The following FANCA variants were observed in gnomAD, a reference collection of about 807,000 sequenced individuals.
FANCA encodes the protein Fanconi anemia group A protein.
Under a neutral mutation model 194.3 loss-of-function variants are expected in FANCA, and 236 were observed. The observed-to-expected ratio is 1.21, with a 90% CI of 1.09 to 1.35. The LOEUF is 1.35. FANCA is among the 40% of genes most tolerant of loss of function. The probability of loss-of-function intolerance (pLI) is 0.00; values close to 1 mark genes in which losing one functional copy is unlikely to be tolerated. For missense variants in FANCA, 2,628 were observed against 1,813.9 expected (o/e 1.45, Z -8.15); for synonymous variants, 1,014 against 715.8 (o/e 1.42, Z -6.65).
rs1481915125 is a variant in FANCA at position 89,767,218 on chromosome 16, A to G, written c.2524T>C (p.Ser842Pro). Reference protein sequence around the residue: ...FCLKFCTAAISYSLCKFSSQS... With the variant: ...FCLKFCTAAIPYSLCKFSSQS... Reference sequence around the variant, plus strand: ...GAAGAAAACTTGCAGAGAGAGTAAGAAATTGCTGCTGTACAAAATCTGAAA... The same window carrying G: ...GAAGAAAACTTGCAGAGAGAGTAAGGAATTGCTGCTGTACAAAATCTGAAA... Residue 842 changes from serine (S) to proline (P), a missense_variant, in exon 27 of 43, where the codon TCT (serine) becomes CCT (proline). Ser to Pro is a moderately conservative substitution (Grantham distance 74). Transcript: ENST00000389301. 1 of 1,612,732 alleles carries G rather than the reference A, an allele frequency of 6.2e-7. No homozygotes were observed. Among genetic ancestry groups the G allele is most frequent in the Non-Finnish European group, 8.5e-7 (1 of 1,178,868 alleles).
At chr16:89,766,859 T>G (rs1028129521) in intron 27 of FANCA, among the ~76,000 whole-genome samples, 1 of 152,244 alleles carries the variant, frequency 6.6e-6, no homozygotes, top group Non-Finnish European at 1.5e-5. Flanking sequence ...CAACATCTAT[T>G]TCATTACAAT....
At chr16:89,749,705 C>T in intron 32 of FANCA, 25 bp downstream of exon 32, 5 of 1,606,528 alleles carry the variant, frequency 3.1e-6, no homozygotes, top group Non-Finnish European at 3.4e-6. Flanking sequence ...TGGTGCTGCC[C>T]TGCCCAGGTG....
chr16:89,815,554 CTA>C (rs1226649980), intron 2 of FANCA, among the ~76,000 whole-genome samples: 1 of 152,046 alleles, frequency 6.6e-6, no homozygotes, highest in Non-Finnish European at 1.5e-5. Context: ...CCGGGTTTCA[CTA>C]TGTTGGCCAG....
chr16:89,816,029 C>T (rs777071560), intron 1 of FANCA, 43 bp from the exon 2 acceptor site: 1 of 1,481,556 alleles, frequency 6.7e-7, no homozygotes. Flanking sequence ...GCACAATTCA[C>T]ACACGGGGTC....
chr16:89,805,915 C>A (rs2143636448), intron 6 of FANCA, among the ~76,000 whole-genome samples: 1 of 151,998 alleles, frequency 6.6e-6, no homozygotes, highest in South Asian at 2.1e-4. Flanking sequence ...ATGGCCTGAA[C>A]CTTTTTTTTT....
intron 35 of FANCA, 84 bp from the exon 36 acceptor site, chr16:89,745,155 C>T: frequency 2.3e-6 from 3 of 1,299,682 alleles, no homozygotes; most frequent in Non-Finnish European, 3.2e-6. Flanking sequence ...GCCCCCAGTG[C>T]TCCTACAGGC....
intron 11 of FANCA, among the ~76,000 whole-genome samples, chr16:89,793,700 T>A (rs1043462388): frequency 6.6e-6 from 1 of 151,628 alleles, no homozygotes; most frequent in Non-Finnish European, 1.5e-5. Flanking sequence ...CCTGCCTCAG[T>A]CTCCCAAGTA....
chr16:89,740,783 G>C, intron 38 of FANCA, 21 bp downstream of exon 38: 1 of 1,610,734 alleles, frequency 6.2e-7, no homozygotes, highest in Non-Finnish European at 8.5e-7. Context: ...AGGACACCTT[G>C]GCTGGTAAGG....
chr16:89,789,309 G>GGT (rs1555559750), intron 14 of FANCA, among the ~76,000 whole-genome samples: 1 of 151,036 alleles, frequency 6.6e-6, no homozygotes, highest in African/African-American at 2.4e-5. Flanking sequence ...GAAGGCCTGG[G>GGT]GGGGGAGCAG....
At chr16:89,767,635 A>T (rs1313387788) in intron 26 of FANCA, among the ~76,000 whole-genome samples, 1 of 150,098 alleles carries the variant, frequency 6.7e-6, no homozygotes, top group African/African-American at 2.5e-5. Context: ...TGCACCCTCC[A>T]CCTCCCAGGT....
At chr16:89,769,631 C>T (rs1200723700) in intron 26 of FANCA, 1 of 638,248 alleles carries the variant, frequency 1.6e-6, no homozygotes, top group Non-Finnish European at 2.8e-6. Context: ...ATAATATGAT[C>T]TCATTTTTAT....
At chr16:89,748,367 C>T (rs1031031192) in intron 33 of FANCA, among the ~76,000 whole-genome samples, 12 of 152,206 alleles carry the variant, frequency 7.9e-5, no homozygotes, top group Admixed American at 7.9e-4. Flanking sequence ...GCGTGGCACA[C>T]AAAATGGTCT....
chr16:89,792,200 G>C, intron 12 of FANCA, 132 bp from the exon 13 acceptor site: 1 of 1,106,320 alleles, frequency 9.0e-7, no homozygotes, highest in Non-Finnish European at 1.4e-6. Context: ...ACATGGAGCT[G>C]TGACAGCTCA....
chr16:89,762,301 AT>A (rs2038978674), intron 28 of FANCA, among the ~76,000 whole-genome samples: 1 of 152,140 alleles, frequency 6.6e-6, no homozygotes, highest in African/African-American at 2.4e-5. Context: ...ACCTCATCTC[AT>A]TTAAAAATTA....
At chr16:89,816,405 C>G (rs2041128087) in intron 1 of FANCA, 132 bp downstream of exon 1, 1 of 768,666 alleles carries the variant, frequency 1.3e-6, no homozygotes, top group Non-Finnish European at 1.8e-6. Context: ...GGGCGCCCAC[C>G]CCGCACAGCC....
Position 89,749,870 on chromosome 16 carries a change from G to A in FANCA, c.3099C>T (p.Asp1033=), listed in dbSNP as rs139289675. The A allele has an allele frequency of 3.1e-6, 5 of 1,614,220 alleles. No individual in the cohort carries two copies. The highest frequency in any genetic ancestry group is 1.7e-5 in the Admixed American group (1 of 60,028). ...EMVADLELQQ[D]LIVPLGHTPS... ...GGGTGTGGCCGAGAGGCACTATGAG[G>A]TCTTGCTGCAGCTCCAGGTCAGCTA... The change falls in exon 32 of 43, where the codon GAC becomes GAT. Residue 1033 remains aspartate (D), a synonymous_variant. Coordinates refer to ENST00000389301, the MANE Select transcript of FANCA (RefSeq NM_000135.4).
chr16:89,799,711 GAAT>G, intron 8 of FANCA, 73 bp from the exon 9 acceptor site: 1 of 1,255,616 alleles, frequency 8.0e-7, no homozygotes, highest in East Asian at 2.3e-5. Flanking sequence ...TCACACAAGA[GAAT>G]TATTACTTGT....
intron 29 of FANCA, 77 bp downstream of exon 29, chr16:89,761,872 G>T: frequency 8.6e-7 from 1 of 1,157,828 alleles, no homozygotes; most frequent in African/African-American, 1.5e-5. Context: ...GAGATCTCCT[G>T]CCTCAGCCTC....
chr16:89,750,149 G>C (rs942202822), intron 31 of FANCA, among the ~76,000 whole-genome samples: 1 of 152,060 alleles, frequency 6.6e-6, no homozygotes, highest in South Asian at 2.1e-4. Context: ...GATTCCTTGA[G>C]CCCAGGAGTT....
Sources: allele counts gnomAD v4.1 joint callset (sites outside exome capture counted in the v4.1 genomes callset), GRCh38; gene constraint gnomAD v4.1.1; transcripts MANE v1.5; gene names NCBI Gene and HGNC (gene_info 2026-07-23, HGNC 2026-07-21).